ASTE1: variants seen among roughly 807,000 people sequenced by gnomAD.
The protein encoded by ASTE1 is single-strand DNA endonuclease ASTE1.
Under a neutral mutation model 45.8 loss-of-function variants are expected in ASTE1, and 49 were observed. The ratio of observed to expected loss-of-function variants is 1.07; its 90% CI spans 0.85 to 1.36. The LOEUF (loss-of-function observed/expected upper bound fraction) is 1.36. Ranked by LOEUF, ASTE1 falls within the 40% of genes most tolerant of loss-of-function variation. The probability of loss-of-function intolerance (pLI) is 0.00; values close to 1 mark genes in which losing one functional copy is unlikely to be tolerated. For synonymous variants in ASTE1, 296 were observed against 303.9 expected, an observed-to-expected ratio of 0.97 and a Z score of 0.27; for missense variants, 709 against 804.0, an observed-to-expected ratio of 0.88 and a Z score of 1.43.
At chr3:131,020,645 A>C (rs2063730887) in intron 3 of ASTE1, among the ~76,000 whole-genome samples, 1 of 152,222 alleles carries the variant, frequency 6.6e-6, no homozygotes, top group South Asian at 2.1e-4. Context: ...CAAAATGAAT[A>C]GGTACTATCA....
intron 5 of ASTE1, among the ~76,000 whole-genome samples, chr3:131,015,808 A>G (rs2063595927): frequency 6.6e-6 from 1 of 152,146 alleles, no homozygotes; most frequent in African/African-American, 2.4e-5. Flanking sequence ...AGGCTCTACA[A>G]AGTGACATTT....
intron 3 of ASTE1, among the ~76,000 whole-genome samples, chr3:131,021,001 T>A (rs903204390): frequency 2.6e-5 from 4 of 152,220 alleles, no homozygotes; most frequent in African/African-American, 9.6e-5. Flanking sequence ...CAATTCTAGA[T>A]ACATTATAGA....
rs1199525651 is a variant in ASTE1 at position 131,025,441 on chromosome 3, T to C, written c.-26+33A>G. On this transcript the variant is annotated intron_variant, in intron 2 of 5. Coordinates refer to ENST00000264992, the MANE Select transcript of ASTE1 (RefSeq NM_014065.4). ...CAAATGTTATGAAGTGCTCTTTAGA[T>C]AGAACATAGATATCAACATCATAAA... 5 of 1,355,402 alleles carry C rather than the reference T, an allele frequency of 3.7e-6. No individual in the cohort carries two copies. The East Asian group carries it at 7.3e-5, about 20-fold the overall frequency. The allele number at this position is 1,355,402 out of a possible 1,614,324, so 84.0% of individuals were successfully genotyped here.
At chr3:131,014,534 T>G (rs2063497320) in intron 5 of ASTE1, 147 bp from the exon 6 acceptor site, 1 of 850,864 alleles carries the variant, frequency 1.2e-6, no homozygotes, top group African/African-American at 1.7e-5. Context: ...AAGAATAATC[T>G]GTTCTTTGAA....
chr3:131,018,726 C>T lies in ASTE1; in HGVS notation c.1303-10G>A. 6.2e-7 allele frequency: 1 copy of T among 1,612,918 alleles called. No individual in the cohort carries two copies. Among genetic ancestry groups the T allele is most frequent in the Admixed American group, 1.7e-5 (1 of 60,012 alleles). On this transcript the variant is annotated splice_polypyrimidine_tract_variant and intron_variant, in intron 3 of 5. Transcript: ENST00000264992. ...GCCTCCTCAAGGAGAGCTGAAAATA[C>T]ACACCAAGTATCCTGCAAGTTACTT... is the stretch of plus-strand genomic sequence containing the variant.
In ASTE1 at chr3:131,024,483, T is replaced by C. The variant is rs139642078; in HGVS notation, c.824A>G (p.Asn275Ser). Residue 275 changes from asparagine (N) to serine (S), a missense_variant, in exon 3 of 6, where the codon AAT becomes AGT. By Grantham distance (46) the Asn-to-Ser change is conservative. Transcript: ENST00000264992. ...CTTTTTTGGGAGGTATTTCAGAACA[T>C]TATCTAGTGCTTCGGTAGGGTTGGC... ...HFANPTEALD[N>S]VLKYLPKKDR... The C allele has an allele frequency of 2.4e-4, 392 of 1,614,028 alleles. 1 individual carries two copies. Among genetic ancestry groups the C allele is most frequent in the Non-Finnish European group, 3.2e-4 (375 of 1,180,026 alleles).
rs1329558279 is a variant in ASTE1 at position 131,024,484 on chromosome 3, T to C, written c.823A>G (p.Asn275Asp). ...TTTTTTGGGAGGTATTTCAGAACAT[T>C]ATCTAGTGCTTCGGTAGGGTTGGCA... Reference protein sequence around the residue: ...HFANPTEALDNVLKYLPKKDR... With the variant: ...HFANPTEALDDVLKYLPKKDR... The change falls in exon 3 of 6, where the codon AAT becomes GAT. Residue 275 changes from asparagine to aspartate, a missense_variant. Transcript: ENST00000264992. 1 of 1,614,146 alleles carries C rather than the reference T, an allele frequency of 6.2e-7. No individual in the cohort carries two copies. Among genetic ancestry groups the C allele is most frequent in the South Asian group, 1.1e-5 (1 of 91,082 alleles).
At chr3:131,018,460 G>A (rs1385184880) in intron 4 of ASTE1, 46 bp downstream of exon 4, 1 of 1,556,124 alleles carries the variant, frequency 6.4e-7, no homozygotes, top group South Asian at 1.1e-5. Flanking sequence ...TAAACAGTTT[G>A]CAAGCAACAT....
intron 3 of ASTE1, among the ~76,000 whole-genome samples, chr3:131,023,337 A>AT (rs1289266705): frequency 6.6e-6 from 1 of 152,002 alleles, no homozygotes; most frequent in African/African-American, 2.4e-5. Context: ...GCATAGTTTC[A>AT]TATCTATTTG....
chr3:131,023,294 T>C (rs1028984713), intron 3 of ASTE1, among the ~76,000 whole-genome samples: 5 of 152,166 alleles, frequency 3.3e-5, no homozygotes, highest in African/African-American at 1.2e-4. Context: ...TTAAGTTATC[T>C]CTATTTAATG....
At chr3:131,023,267 T>C (rs114833565) in intron 3 of ASTE1, among the ~76,000 whole-genome samples, 49 of 152,320 alleles carry the variant, frequency 3.2e-4, no homozygotes, top group Non-Finnish European at 6.5e-4. Context: ...CTAATGGGCA[T>C]TGCAATTGTT....
chr3:131,019,515 A>G (rs1419647640), intron 3 of ASTE1, among the ~76,000 whole-genome samples: 1 of 152,226 alleles, frequency 6.6e-6, no homozygotes, highest in African/African-American at 2.4e-5. Flanking sequence ...AAATAATTTT[A>G]CCTTAATGAA....
In ASTE1 at chr3:131,014,381, G is replaced by A. The variant is rs1249537624; in HGVS notation, c.1716C>T (p.Tyr572=). 3.8e-6 allele frequency: 6 copies of A among 1,583,760 alleles called. No homozygotes were observed. The highest frequency in any genetic ancestry group is 1.4e-5 in the African/African-American group (1 of 73,098). Residue 572 remains tyrosine (Y), a synonymous_variant, in exon 6 of 6, where the codon TAC becomes TAT. Transcript: ENST00000264992. ...PLPEPDLTRL[Y]SGSLVHGLCQ... is the part of the protein sequence containing the mutation. ...ATAGTCCGTGCACCAGGCTTCCACTGTACAGTCTGTTCAAAGCAAGAAAAA... is the reference window on the plus strand; with the variant it reads ...ATAGTCCGTGCACCAGGCTTCCACTATACAGTCTGTTCAAAGCAAGAAAAA...
rs141155120 is a variant in ASTE1 at position 131,016,248 on chromosome 3, G to A, written c.1605C>T (p.Asp535=). The change falls in exon 5 of 6, where the codon GAC becomes GAT. Residue 535 remains aspartate, a synonymous_variant. Transcript: ENST00000264992. ...KAQTRLGTRL[D]LDTAHIFCQW... ...GACAGAAGATGTGAGCTGTGTCTAA[G>A]TCCAGTCTTGTGCCCAGCCGTGTCT... 45 of 1,614,120 alleles carry A rather than the reference G, an allele frequency of 2.8e-5. No individual in the cohort carries two copies. The African/African-American group carries it at 5.9e-4, about 21-fold the overall frequency.
At chr3:131,020,513 A>G (rs2063728708) in intron 3 of ASTE1, among the ~76,000 whole-genome samples, 1 of 152,200 alleles carries the variant, frequency 6.6e-6, no homozygotes, top group South Asian at 2.1e-4. Flanking sequence ...GTCCATTGCA[A>G]CTAACATAAC....
chr3:131,024,334 A>T lies in ASTE1; in HGVS notation c.973T>A (p.Leu325Ile). The T allele has an allele frequency of 6.2e-7, 1 of 1,614,272 alleles. No homozygotes were observed. Among genetic ancestry groups the T allele is most frequent in the Non-Finnish European group, 8.5e-7 (1 of 1,180,046 alleles). ...YVCPDALNLG[L>I]PEWVLVALAK... Reference sequence around the variant, plus strand: ...AAAGCCACTAATACCCATTCTGGTAAACCAAGATTCAAGGCATCTGGACAG... The same window carrying T: ...AAAGCCACTAATACCCATTCTGGTATACCAAGATTCAAGGCATCTGGACAG... The change falls in exon 3 of 6, where the codon TTA (leucine) becomes ATA (isoleucine). Residue 325 changes from leucine (L) to isoleucine (I), a missense_variant. Leu to Ile is a conservative substitution (Grantham distance 5). Transcript: ENST00000264992.
Position 131,026,760 on chromosome 3 carries a change from A to C in ASTE1, c.-400T>G, listed in dbSNP as rs1202604767. Reference sequence around the variant, plus strand: ...CCGAAATGGCTGCTGTCAGGCTAGGAAAGCTTGGCCCGCCGGTCCTCCTCT... The same window carrying C: ...CCGAAATGGCTGCTGTCAGGCTAGGCAAGCTTGGCCCGCCGGTCCTCCTCT... On this transcript the variant is annotated 5_prime_UTR_variant, in exon 1 of 6. Transcript: ENST00000264992. 6.6e-6 allele frequency: 1 copy of C among 152,308 alleles called. No homozygotes were observed. The highest frequency in any genetic ancestry group is 2.4e-5 in the African/African-American group (1 of 41,428). The allele number at this position is 152,308 out of a possible 1,614,324, so 9.4% of individuals were successfully genotyped here. A position where few individuals can be genotyped will look rare whatever the true frequency, so the allele number is the denominator to read the frequency against.
intron 3 of ASTE1, among the ~76,000 whole-genome samples, chr3:131,019,354 T>A: frequency 6.6e-6 from 1 of 152,172 alleles, no homozygotes; most frequent in Non-Finnish European, 1.5e-5. Context: ...GCTTGTAGAT[T>A]AGAGGTATAT....
Position 131,024,362 on chromosome 3 carries a change from A to AT in ASTE1, c.944dup (p.Tyr315Ter). ...KLQDFFQCGT[Y>*]VCPDALNLGL... ...CAAGATTCAAGGCATCTGGACAGAC[A>AT]TAAGTACCACACTGGAAGAAGTCCT... is the stretch of plus-strand genomic sequence containing the variant. Residue 315 changes from tyrosine (Y) to a stop codon, truncating the protein, a stop_gained and frameshift_variant, in exon 3 of 6, where the codon TAT becomes TAAT. Coordinates refer to ENST00000264992, the MANE Select transcript of ASTE1 (RefSeq NM_014065.4). LOFTEE classifies it high-confidence loss of function. 1 of 1,614,268 alleles carries AT rather than the reference A, an allele frequency of 6.2e-7. No individual in the cohort carries two copies. Among genetic ancestry groups the AT allele is most frequent in the Non-Finnish European group, 8.5e-7 (1 of 1,180,044 alleles).
Sources: gnomAD v4.1 joint callset for allele counts (sites outside exome capture counted in the v4.1 genomes callset) on GRCh38, gnomAD v4.1.1 for gene constraint, MANE v1.5 for transcripts, NCBI Gene and HGNC (gene_info 2026-07-23, HGNC 2026-07-21) for gene names.